CNBD1: variants seen among roughly 807,000 people sequenced by gnomAD.
CNBD1 encodes the protein cyclic nucleotide-binding domain-containing protein 1.
In CNBD1, 71 loss-of-function variants were observed where a neutral mutation model predicts 54.4. That is an observed-to-expected ratio of 1.30 (90% confidence interval 1.08 to 1.59). CNBD1 has a LOEUF of 1.59. Ranked by LOEUF, CNBD1 falls within the 40% of genes most tolerant of loss-of-function variation. CNBD1 has a pLI of 0.00. For missense variants in CNBD1, 659 were observed against 518.0 expected (o/e 1.27, Z -2.64); for synonymous variants, 182 against 170.7 (o/e 1.07, Z -0.51).
intron 4 of CNBD1, among the ~76,000 whole-genome samples, chr8:86,959,027 C>A (rs952287138): frequency 2.6e-5 from 4 of 152,124 alleles, no homozygotes; most frequent in African/African-American, 9.7e-5. Context: ...TCCAGGAGTT[C>A]TTGTAAAGCA....
At chr8:87,369,998 A>G (rs1373686775) in intron 10 of CNBD1, among the ~76,000 whole-genome samples, 4 of 151,956 alleles carry the variant, frequency 2.6e-5, no homozygotes, top group Non-Finnish European at 4.4e-5. Context: ...TGTCCCTGCA[A>G]TAGTTTACTG....
chr8:86,918,193 G>T (rs556612921), intron 3 of CNBD1, among the ~76,000 whole-genome samples: 2 of 152,172 alleles, frequency 1.3e-5, no homozygotes, highest in Admixed American at 6.5e-5. Context: ...GATGCATAAT[G>T]GTTGTAGCAT....
chr8:87,335,681 A>G (rs1316727272), intron 8 of CNBD1, among the ~76,000 whole-genome samples: 5 of 152,064 alleles, frequency 3.3e-5, no homozygotes, highest in African/African-American at 7.2e-5. Flanking sequence ...GTGTCTTTTA[A>G]TTGGGCCATT....
chr8:87,388,582 C>T (rs998067521), intron 2 of CNBD1, among the ~76,000 whole-genome samples: 3 of 152,178 alleles, frequency 2.0e-5, no homozygotes, highest in African/African-American at 7.2e-5. Flanking sequence ...AGACCAATAA[C>T]AGGCTCTGAA....
chr8:87,401,874 A>G (rs750908258), intron 2 of CNBD1, among the ~76,000 whole-genome samples: 5 of 152,052 alleles, frequency 3.3e-5, no homozygotes, highest in Non-Finnish European at 7.4e-5. Flanking sequence ...GTAGGCCTGA[A>G]TGATATAAGG....
chr8:87,420,583 C>A (rs376914368), intron 2 of CNBD1, among the ~76,000 whole-genome samples: 29 of 152,058 alleles, frequency 1.9e-4, no homozygotes, highest in East Asian at 7.7e-4. Context: ...CTTACAGTTA[C>A]TTGAGGTAGA....
intron 4 of CNBD1, among the ~76,000 whole-genome samples, chr8:87,184,597 C>A (rs1328820509): frequency 6.6e-6 from 1 of 152,174 alleles, no homozygotes; most frequent in African/African-American, 2.4e-5. Flanking sequence ...CAGCTAGGAT[C>A]CTGGAGGTCT....
At chr8:87,376,221 T>A (rs958759789) in intron 10 of CNBD1, among the ~76,000 whole-genome samples, 1 of 151,870 alleles carries the variant, frequency 6.6e-6, no homozygotes, top group Non-Finnish European at 1.5e-5. Context: ...CCCATAGTTT[T>A]GGAGGGCAAG....
At chr8:87,044,296 C>T (rs992387531) in intron 4 of CNBD1, among the ~76,000 whole-genome samples, 8 of 151,402 alleles carry the variant, frequency 5.3e-5, no homozygotes, top group African/African-American at 1.9e-4. Flanking sequence ...GTGTCAGATT[C>T]CACAAAATCT....
At chr8:87,310,657 A>T (rs1809245799) in intron 8 of CNBD1, among the ~76,000 whole-genome samples, 1 of 152,156 alleles carries the variant, frequency 6.6e-6, no homozygotes, top group East Asian at 1.9e-4. Flanking sequence ...TGGAGCTAAA[A>T]AAGGGCCCAA....
intron 4 of CNBD1, 110 bp downstream of exon 4, chr8:86,939,864 C>T: frequency 1.5e-6 from 1 of 658,856 alleles, no homozygotes; most frequent in Admixed American, 3.3e-5. Flanking sequence ...TGATACAGCA[C>T]TCATGGTTGA....
At chr8:87,046,690 G>C (rs1393579277) in intron 4 of CNBD1, among the ~76,000 whole-genome samples, 1 of 152,110 alleles carries the variant, frequency 6.6e-6, no homozygotes, top group Non-Finnish European at 1.5e-5. Flanking sequence ...TTTGATATAG[G>C]GATAAAAATA....
chr8:86,958,692 C>G (rs1255210004), intron 4 of CNBD1, among the ~76,000 whole-genome samples: 1 of 152,046 alleles, frequency 6.6e-6, no homozygotes, highest in African/African-American at 2.4e-5. Context: ...TAAATCTTCC[C>G]CCATCCCTTT....
chr8:87,320,751 T>C (rs1006303820), intron 8 of CNBD1, among the ~76,000 whole-genome samples: 1 of 152,118 alleles, frequency 6.6e-6, no homozygotes, highest in Admixed American at 6.6e-5. Flanking sequence ...TCCTAACAAA[T>C]TTTATGTGCA....
chr8:87,351,086 C>G (rs748005559), intron 8 of CNBD1, among the ~76,000 whole-genome samples: 3 of 152,110 alleles, frequency 2.0e-5, no homozygotes, highest in Non-Finnish European at 2.9e-5. Context: ...AAAGTAAGGA[C>G]TCCTAATTAA....
intron 10 of CNBD1, among the ~76,000 whole-genome samples, chr8:87,377,012 AT>A (rs201849220): frequency 1.9e-3 from 250 of 132,730 alleles, no homozygotes; most frequent in African/African-American, 5.4e-3. Flanking sequence ...TGTTAAATTT[AT>A]TTTTTTTCTT....
chr8:86,881,126 A>G (rs1808600477), intron 1 of CNBD1, among the ~76,000 whole-genome samples: 1 of 152,208 alleles, frequency 6.6e-6, no homozygotes, highest in African/African-American at 2.4e-5. Context: ...CAAGACAAGG[A>G]TGCCCTCTCT....
At chr8:87,255,404 G>A (rs1032506142) in intron 6 of CNBD1, among the ~76,000 whole-genome samples, 6 of 152,162 alleles carry the variant, frequency 3.9e-5, no homozygotes, top group Admixed American at 2.6e-4. Context: ...GTGCAAGAAA[G>A]TAGAGCTAAG....
chr8:87,423,257 T>C (rs1392354238), intron 2 of CNBD1, among the ~76,000 whole-genome samples: 2,150 of 151,658 alleles, frequency 0.014, 54 homozygotes, highest in African/African-American at 0.047. Context: ...CCTAATTGAA[T>C]ACCCTTTATT....
Sources: gnomAD v4.1 joint callset for allele counts (sites outside exome capture counted in the v4.1 genomes callset) on GRCh38, gnomAD v4.1.1 for gene constraint, MANE v1.5 for transcripts, NCBI Gene and HGNC (gene_info 2026-07-23, HGNC 2026-07-21) for gene names.